GNG7: variants seen among roughly 807,000 people sequenced by gnomAD.
The protein encoded by GNG7 is G protein subunit gamma 7, also known as guanine nucleotide-binding protein G(I)/G(S)/G(O) subunit gamma-7.
A neutral mutation model predicts 4.0 loss-of-function variants in GNG7; 1 was observed. The ratio of observed to expected loss-of-function variants is 0.25; its 90% CI spans 0.09 to 1.18. The LOEUF (loss-of-function observed/expected upper bound fraction) is 1.18. GNG7 is among the 50% of genes most tolerant of loss of function. GNG7 has a pLI of 0.50. For missense variants in GNG7, 86 were observed against 91.9 expected (o/e 0.94, Z 0.26); for synonymous variants, 34 against 36.9 (o/e 0.92, Z 0.29).
chr19:2,537,084 C>T (rs1474058794), intron 3 of GNG7, among the ~76,000 whole-genome samples: 3 of 151,638 alleles, frequency 2.0e-5, no homozygotes, highest in Non-Finnish European at 2.9e-5. Context: ...GTAGCTGGGA[C>T]TACAGGTGCC....
Position 2,626,269 on chromosome 19 carries a change from G to C in GNG7, c.-78+19955C>G, listed in dbSNP as rs1262991734. Among the ~76,000 whole-genome samples the C allele has an allele frequency of 6.6e-6, 1 of 152,112 alleles. No individual in the cohort carries two copies. Among genetic ancestry groups the C allele is most frequent in the African/African-American group, 2.4e-5 (1 of 41,412 alleles). On this transcript the variant is annotated intron_variant, in intron 2 of 4. Transcript: ENST00000382159. This position sits in a 1 kb window ranked among gnomAD's most constrained non-coding sequence, Gnocchi z 5.0. The stretch of plus-strand genomic sequence containing the variant: ...GAAGCCGGCCCCCTGCCCCAAACCA[G>C]CCTGACCAGCGGCACCGTGGAAACC...
At chr19:2,564,215 G>A (rs975863962) in intron 2 of GNG7, among the ~76,000 whole-genome samples, 2 of 152,228 alleles carry the variant, frequency 1.3e-5, no homozygotes, top group South Asian at 4.1e-4. Context: ...AAGATGATAC[G>A]GATCTTGGGA....
chr19:2,619,331 G>T (rs1001916780), intron 2 of GNG7, among the ~76,000 whole-genome samples: 1 of 152,204 alleles, frequency 6.6e-6, no homozygotes, highest in African/African-American at 2.4e-5. Context: ...CATATTGCTT[G>T]TGGTGGCTTT....
chr19:2,557,214 CAG>C lies in GNG7; in HGVS notation c.-77-2028_-77-2027del, dbSNP rs1172363574. 6.6e-6 allele frequency among the ~76,000 whole-genome samples: 1 copy of C among 151,418 alleles called. No individual in the cohort carries two copies. The highest frequency in any genetic ancestry group is 6.6e-5 in the Admixed American group (1 of 15,236). On this transcript the variant is annotated intron_variant, in intron 2 of 4. Transcript: ENST00000382159. The surrounding 1 kb of genome is among the most constrained non-coding windows in gnomAD (Gnocchi z 5.1). Reference sequence around the variant, plus strand: ...GTGCACACACATTTGCATGCACACACAGACACACATGCACACACAGACGCACA... The same window carrying C: ...GTGCACACACATTTGCATGCACACACACACACATGCACACACAGACGCACA...
intron 1 of GNG7, among the ~76,000 whole-genome samples, chr19:2,673,257 CAA>C (rs754605877): frequency 0.011 from 1,214 of 108,238 alleles, 49 homozygotes; most frequent in African/African-American, 0.037. Flanking sequence ...GATTCCATCT[CAA>C]AAAAAAAACA....
chr19:2,657,524 T>A (rs1983028945), intron 1 of GNG7, among the ~76,000 whole-genome samples: 2 of 150,450 alleles, frequency 1.3e-5, no homozygotes. Flanking sequence ...ATAGGACTTT[T>A]TGAATTCTGC....
chr19:2,613,118 C>T (rs564301251), intron 2 of GNG7, among the ~76,000 whole-genome samples: 24 of 151,950 alleles, frequency 1.6e-4, no homozygotes, highest in Admixed American at 1.4e-3. Context: ...GTTTAAGGGA[C>T]GTGGAAAAGG....
At chr19:2,624,197 G>T (rs1288347121) in intron 2 of GNG7, among the ~76,000 whole-genome samples, 1 of 151,846 alleles carries the variant, frequency 6.6e-6, no homozygotes, top group Non-Finnish European at 1.5e-5. Context: ...TGGCTAAGAT[G>T]GTAAATACTA....
chr19:2,627,715 C>T (rs2144839037), intron 2 of GNG7, among the ~76,000 whole-genome samples: 1 of 152,370 alleles, frequency 6.6e-6, no homozygotes, highest in East Asian at 1.9e-4. Flanking sequence ...CCGACCTCAA[C>T]ACCGGCAGCT....
chr19:2,607,790 GT>G (rs1981437479), intron 2 of GNG7, among the ~76,000 whole-genome samples: 1 of 152,042 alleles, frequency 6.6e-6, no homozygotes, highest in South Asian at 2.1e-4. Flanking sequence ...AGGCAGAGCT[GT>G]CATCGTGGGC....
In GNG7 at chr19:2,557,929, C is replaced by G. The variant is rs1000642640; in HGVS notation, c.-77-2741G>C. 2.6e-5 allele frequency among the ~76,000 whole-genome samples: 4 copies of G among 152,038 alleles called. No individual in the cohort carries two copies. Among genetic ancestry groups the G allele is most frequent in the African/African-American group, 7.2e-5 (3 of 41,392 alleles). On this transcript the variant is annotated intron_variant, in intron 2 of 4. Transcript: ENST00000382159. This position sits in a 1 kb window ranked among gnomAD's most constrained non-coding sequence, Gnocchi z 5.1. ...CGATCTCGGCTCACTGCAACCTCTG[C>G]CTCCTGGGTACAAGCGACTCTCCTG...
Position 2,520,628 on chromosome 19 carries a change from CT to C in GNG7, c.60del (p.Ala21ProfsTer16). On this transcript the variant is annotated frameshift_variant, in exon 4 of 5. Coordinates refer to ENST00000382159, the MANE Select transcript of GNG7 (RefSeq NM_052847.3). LOFTEE classifies it high-confidence loss of function. ...CTCACCTTGATGCGCTCAATCCCGG[CT>C]TCTATGCGTAGCTGTTCCACCAGCT... ...ARKLVEQLRI[E>X]AGIERIKVSK... 1.9e-6 allele frequency: 3 copies of C among 1,550,722 alleles called. No individual in the cohort carries two copies. The highest frequency in any genetic ancestry group is 2.6e-6 in the Non-Finnish European group (3 of 1,143,816).
At chr19:2,519,220 G>A (rs1449861783) in intron 4 of GNG7, among the ~76,000 whole-genome samples, 2 of 133,918 alleles carry the variant, frequency 1.5e-5, no homozygotes, top group African/African-American at 5.7e-5. Flanking sequence ...GTGCGATCTC[G>A]GCTCACTGCA....
At chr19:2,656,315 A>G (rs961134720) in intron 1 of GNG7, among the ~76,000 whole-genome samples, 2 of 152,220 alleles carry the variant, frequency 1.3e-5, no homozygotes, top group Non-Finnish European at 2.9e-5. Context: ...GGATACAGAA[A>G]ATGTGAGGCC....
At chr19:2,629,411 G>A (rs1420071833) in intron 2 of GNG7, among the ~76,000 whole-genome samples, 1 of 152,138 alleles carries the variant, frequency 6.6e-6, no homozygotes, top group Non-Finnish European at 1.5e-5. Context: ...GTTTAGAATA[G>A]GAGGTCCCCA....
intron 2 of GNG7, among the ~76,000 whole-genome samples, chr19:2,598,126 C>T (rs1028009171): frequency 3.9e-5 from 6 of 152,050 alleles, no homozygotes; most frequent in African/African-American, 7.2e-5. Context: ...CATCAACGAC[C>T]GAATCCAGCT....
chr19:2,552,042 T>A (rs1007502305), intron 3 of GNG7, among the ~76,000 whole-genome samples: 2 of 152,180 alleles, frequency 1.3e-5, no homozygotes, highest in African/African-American at 4.8e-5. Flanking sequence ...CTCCGCCTCC[T>A]GTCCCATCAG....
chr19:2,598,474 G>A (rs1195341526), intron 2 of GNG7, among the ~76,000 whole-genome samples: 16 of 151,036 alleles, frequency 1.1e-4, no homozygotes, highest in East Asian at 3.9e-4. Flanking sequence ...TGGCTAACAC[G>A]GTGAAACCCC....
chr19:2,654,635 G>T (rs75559503), intron 1 of GNG7, among the ~76,000 whole-genome samples: 126 of 124,694 alleles, frequency 1.0e-3, no homozygotes, highest in Non-Finnish European at 1.8e-3. Context: ...CACCCTGAGT[G>T]GGGGGAGGGA....
Sources: gnomAD v4.1 joint callset for allele counts (sites outside exome capture counted in the v4.1 genomes callset) on GRCh38, gnomAD v4.1.1 for gene constraint, Gnocchi (gnomAD v3.1) non-coding constraint, MANE v1.5 for transcripts, NCBI Gene and HGNC (gene_info 2026-07-23, HGNC 2026-07-21) for gene names.